Variants in CTDSPL2 observed in about 807,000 individuals in gnomAD.
CTDSPL2 encodes CTD small phosphatase-like protein 2.
CTDSPL2 carries 5 observed loss-of-function variants against 60.0 expected under a neutral mutation model. That is an observed-to-expected ratio of 0.08 (90% CI 0.04 to 0.18). CTDSPL2 has a LOEUF of 0.18. CTDSPL2 is among the 10% of genes least tolerant of loss of function. The probability of loss-of-function intolerance (pLI) is 1.00; values close to 1 mark genes in which losing one functional copy is unlikely to be tolerated. For missense variants in CTDSPL2, 370 were observed against 548.8 expected (o/e 0.67, Z 3.26); for synonymous variants, 186 against 189.3 (o/e 0.98, Z 0.14).
At chr15:44,514,515 AAGTT>A (rs2081617765) in intron 8 of CTDSPL2, 79 bp from the exon 9 acceptor site, 2 of 823,208 alleles carry the variant, frequency 2.4e-6, no homozygotes, top group African/African-American at 1.7e-5. Flanking sequence ...ATTATAATCA[AAGTT>A]AGAATACAGC....
intron 3 of CTDSPL2, among the ~76,000 whole-genome samples, chr15:44,484,956 T>C (rs139791968): frequency 6.6e-6 from 1 of 152,358 alleles, no homozygotes; most frequent in East Asian, 1.9e-4. Context: ...AAAGCAATAA[T>C]AATTGTGACT....
intron 8 of CTDSPL2, among the ~76,000 whole-genome samples, chr15:44,511,944 C>G (rs551224796): frequency 3.4e-5 from 5 of 148,914 alleles, no homozygotes; most frequent in African/African-American, 1.2e-4. Context: ...AATCCCAGCA[C>G]TTTGGGAGGC....
intron 2 of CTDSPL2, among the ~76,000 whole-genome samples, chr15:44,463,228 G>A (rs955381577): frequency 9.2e-5 from 14 of 152,086 alleles, no homozygotes; most frequent in Non-Finnish European, 1.2e-4. Flanking sequence ...TGCAACCTCC[G>A]CCTCTTGGGT....
intron 1 of CTDSPL2, among the ~76,000 whole-genome samples, chr15:44,437,599 G>T (rs973890127): frequency 6.6e-6 from 1 of 152,136 alleles, no homozygotes; most frequent in African/African-American, 2.4e-5. Flanking sequence ...CAGTGATACG[G>T]TCTCCTTCAC....
chr15:44,507,203 G>C (rs2081484456), intron 8 of CTDSPL2, among the ~76,000 whole-genome samples: 2 of 151,966 alleles, frequency 1.3e-5, no homozygotes, highest in African/African-American at 4.8e-5. Context: ...TCCTGCCTCA[G>C]CCTTCTGAGT....
At chr15:44,499,894 A>G in intron 8 of CTDSPL2, 81 bp downstream of exon 8, 1 of 745,546 alleles carries the variant, frequency 1.3e-6, no homozygotes, top group Non-Finnish European at 2.4e-6. Flanking sequence ...TTTTGTGTGT[A>G]TGTGACATTA....
intron 2 of CTDSPL2, among the ~76,000 whole-genome samples, chr15:44,459,462 A>C (rs1595718337): frequency 6.6e-6 from 1 of 152,114 alleles, no homozygotes; most frequent in Non-Finnish European, 1.5e-5. Context: ...TAGGGGGCGG[A>C]GCCTGTAGTG....
At chr15:44,455,098 A>C (rs554338768) in intron 1 of CTDSPL2, among the ~76,000 whole-genome samples, 1 of 152,004 alleles carries the variant, frequency 6.6e-6, no homozygotes, top group Non-Finnish European at 1.5e-5. Context: ...CTTTTATTTC[A>C]TTGAGCAGTG....
At chr15:44,472,311 A>G (rs1271699893) in intron 2 of CTDSPL2, among the ~76,000 whole-genome samples, 2 of 152,184 alleles carry the variant, frequency 1.3e-5, no homozygotes, top group Non-Finnish European at 2.9e-5. Context: ...CACTAGCAAA[A>G]TATGAGGATT....
intron 3 of CTDSPL2, among the ~76,000 whole-genome samples, chr15:44,485,160 G>A (rs1209224951): frequency 6.6e-6 from 1 of 152,180 alleles, no homozygotes. Context: ...CTACTAGGTG[G>A]ATGTCAGAGA....
intron 8 of CTDSPL2, among the ~76,000 whole-genome samples, chr15:44,510,615 A>C (rs2081550125): frequency 6.6e-6 from 1 of 152,214 alleles, no homozygotes; most frequent in South Asian, 2.1e-4. Flanking sequence ...TGCAAGTTTC[A>C]AGAAGGTAAA....
chr15:44,459,122 A>G lies in CTDSPL2; in HGVS notation c.108A>G (p.Ser36=), dbSNP rs1330691258. Residue 36 remains serine (S), a synonymous_variant, in exon 2 of 13, where the codon TCA becomes TCG. Coordinates refer to ENST00000260327, the MANE Select transcript of CTDSPL2 (RefSeq NM_016396.3). ...KYSEVDDSLP[S]GGEKPSKNET... is the part of the protein sequence containing the mutation. ...CAGAGGTTGATGATAGCCTGCCTTC[A>G]GGAGGAGAAAAACCATCGAAGAATG... 3.1e-6 allele frequency: 5 copies of G among 1,613,230 alleles called. No individual in the cohort carries two copies. The highest frequency in any genetic ancestry group is 4.2e-6 in the Non-Finnish European group (5 of 1,179,588).
chr15:44,495,198 G>C (rs968960598), intron 5 of CTDSPL2, among the ~76,000 whole-genome samples: 4 of 152,088 alleles, frequency 2.6e-5, no homozygotes, highest in Non-Finnish European at 5.9e-5. Context: ...TCGAACTCCT[G>C]ACCTCAGGTG....
chr15:44,486,613 C>G lies in CTDSPL2; in HGVS notation c.388C>G (p.Pro130Ala), dbSNP rs546451241. ...ACAAAATGGAAAATTAGAAGATAAT[C>G]CTTCCTCTGGCAGTCCTCCAAGGAC... The part of the protein sequence containing the change: ...VKQNGKLEDN[P>A]SSGSPPRTTL... Residue 130 changes from proline to alanine, a missense_variant, in exon 4 of 13, where the codon CCT becomes GCT. Physicochemically the swap from Pro to Ala is conservative, Grantham distance 27 (BLOSUM62 -1). Around this residue, in one of 6 missense-constraint regions of CTDSPL2, gnomAD observed 287 missense variants for 296.1 expected, o/e 0.97. Transcript: ENST00000260327. The G allele has an allele frequency of 3.1e-6, 5 of 1,593,386 alleles. No individual in the cohort carries two copies. The African/African-American group carries it at 6.7e-5, about 21-fold the overall frequency.
At chr15:44,478,843 G>A (rs139063015) in intron 2 of CTDSPL2, among the ~76,000 whole-genome samples, 3,341 of 152,058 alleles carry the variant, frequency 0.022, 113 homozygotes, top group African/African-American at 0.076. Context: ...TTAGCTGGGC[G>A]TGGTGGCAGG....
At chr15:44,471,526 G>C (rs140332345) in intron 2 of CTDSPL2, among the ~76,000 whole-genome samples, 11 of 152,190 alleles carry the variant, frequency 7.2e-5, no homozygotes, top group African/African-American at 2.4e-4. Flanking sequence ...GGCCATCAAC[G>C]TATCTGTCAC....
intron 1 of CTDSPL2, chr15:44,448,711 C>T: frequency 3.0e-6 from 1 of 337,968 alleles, no homozygotes; most frequent in Non-Finnish European, 5.8e-6. Flanking sequence ...CATTCCAGTG[C>T]CTTTATTCAG....
intron 1 of CTDSPL2, among the ~76,000 whole-genome samples, chr15:44,434,496 C>G (rs942203272): frequency 4.6e-5 from 7 of 152,170 alleles, no homozygotes; most frequent in African/African-American, 1.7e-4. Flanking sequence ...TGGGCTCAAG[C>G]GATCCTCCTG....
In CTDSPL2 at chr15:44,427,672, T is replaced by C; in HGVS notation, c.-125T>C. The C allele has an allele frequency of 2.5e-6, 1 of 399,298 alleles. No individual in the cohort carries two copies. The allele number at this position is 399,298 out of a possible 1,614,324, so 24.7% of individuals were successfully genotyped here. The stretch of plus-strand genomic sequence containing the variant: ...GGAAATGGCGACTGGCTGAAGGAGC[T>C]GGTTCTGTTGCTGCTGCGGGGTAAG... On this transcript the variant is annotated 5_prime_UTR_variant, in exon 1 of 13. Coordinates refer to ENST00000260327, the MANE Select transcript of CTDSPL2 (RefSeq NM_016396.3).
Sources: allele counts gnomAD v4.1 joint callset (sites outside exome capture counted in the v4.1 genomes callset), GRCh38; gene constraint gnomAD v4.1.1; regional missense constraint gnomAD v4.1.1; transcripts MANE v1.5; gene names NCBI Gene and HGNC (gene_info 2026-07-23, HGNC 2026-07-21).